The following CAST variants were observed in gnomAD, a reference collection of about 807,000 sequenced individuals.
The protein encoded by CAST is MIR583 host.
CAST carries 76 observed loss-of-function variants against 119.6 expected under a neutral mutation model. The observed-to-expected ratio is 0.64, with a 90% CI of 0.53 to 0.77. The LOEUF (loss-of-function observed/expected upper bound fraction) is 0.77, where lower values mean the gene tolerates loss of function less well. Ranked by LOEUF, CAST falls within the 30% of genes least tolerant of loss-of-function variation. CAST has a pLI of 0.00. For missense variants in CAST, 953 were observed against 946.5 expected, an observed-to-expected ratio of 1.01 and a Z score of -0.09; for synonymous variants, 319 against 331.6, an observed-to-expected ratio of 0.96 and a Z score of 0.41.
chr5:96,720,139 G>A (rs2150393984), intron 3 of CAST, among the ~76,000 whole-genome samples: 1 of 152,316 alleles, frequency 6.6e-6, no homozygotes, highest in Admixed American at 6.5e-5. Flanking sequence ...CTGGCACAGA[G>A]CATATTCTGG....
chr5:96,427,488 A>G, the CAST span, among the ~76,000 whole-genome samples: 1 of 152,184 alleles, frequency 6.6e-6, no homozygotes, highest in African/African-American at 2.4e-5. Context: ...TGGTTCCAGA[A>G]TGTTTCCTAA....
chr5:96,082,316 T>G, the CAST span, among the ~76,000 whole-genome samples: 1 of 152,230 alleles, frequency 6.6e-6, no homozygotes, highest in Non-Finnish European at 1.5e-5. Context: ...GGTTGGCTAT[T>G]GTGTGCCACA....
chr5:96,417,009 C>G, the CAST span, among the ~76,000 whole-genome samples: 1 of 152,166 alleles, frequency 6.6e-6, no homozygotes. Flanking sequence ...ATTGTGGAAA[C>G]AACCTGTAAG....
chr5:96,116,850 T>C, the CAST span, among the ~76,000 whole-genome samples: 14 of 152,248 alleles, frequency 9.2e-5, no homozygotes, highest in Non-Finnish European at 2.1e-4. Context: ...TTGTCAAATA[T>C]ATGGTTTGCA....
the CAST span, among the ~76,000 whole-genome samples, chr5:95,997,962 G>GTTTTC: frequency 8.1e-5 from 9 of 111,702 alleles, no homozygotes; most frequent in East Asian, 8.6e-4. Flanking sequence ...TTTGAGAGAG[G>GTTTTC]GTTTTTTTTT....
chr5:96,471,708 C>T, the CAST span, among the ~76,000 whole-genome samples: 1 of 151,426 alleles, frequency 6.6e-6, no homozygotes, highest in Non-Finnish European at 1.5e-5. Context: ...ATTATCCTGT[C>T]TTTTGCCTGT....
chr5:96,603,012 A>G (rs1310565114), intron 1 of CAST, among the ~76,000 whole-genome samples: 1 of 152,200 alleles, frequency 6.6e-6, no homozygotes, highest in Non-Finnish European at 1.5e-5. Context: ...TAAGTGGCAG[A>G]TAGGATGGTG....
chr5:95,969,678 G>T, the CAST span, among the ~76,000 whole-genome samples: 6 of 152,096 alleles, frequency 3.9e-5, no homozygotes, highest in African/African-American at 1.4e-4. Context: ...AGAGGTGAAT[G>T]AGCATGAGGA....
chr5:96,317,171 G>A, the CAST span, among the ~76,000 whole-genome samples: 1 of 151,908 alleles, frequency 6.6e-6, no homozygotes, highest in Non-Finnish European at 1.5e-5. Flanking sequence ...ACATTATAAA[G>A]GTGTCATCCT....
the CAST span, chr5:96,432,806 C>G: frequency 6.9e-7 from 1 of 1,458,604 alleles, no homozygotes; most frequent in East Asian, 2.3e-5. Context: ...AGACCGCGCT[C>G]CAGTCCCGCC....
intron 1 of CAST, among the ~76,000 whole-genome samples, chr5:96,654,387 G>A (rs1748130581): frequency 6.6e-6 from 1 of 151,742 alleles, no homozygotes; most frequent in African/African-American, 2.4e-5. Context: ...CCTCATTTAT[G>A]CTTCCTATAT....
chr5:96,299,105 C>T, the CAST span, among the ~76,000 whole-genome samples: 18 of 151,782 alleles, frequency 1.2e-4, 1 homozygote, highest in Admixed American at 5.9e-4. Flanking sequence ...ATTGGCTGGG[C>T]GTGGTGGTGG....
the CAST span, among the ~76,000 whole-genome samples, chr5:96,101,095 G>T: frequency 6.6e-6 from 1 of 152,106 alleles, no homozygotes; most frequent in Admixed American, 6.5e-5. Context: ...AATTTTTGTA[G>T]AGACAGAGTC....
the CAST span, among the ~76,000 whole-genome samples, chr5:96,035,786 G>C: frequency 6.6e-6 from 1 of 151,206 alleles, no homozygotes; most frequent in African/African-American, 2.4e-5. Context: ...TGTAAAGCAG[G>C]GGGTGGAGCC....
chr5:96,490,717 C>T, the CAST span, among the ~76,000 whole-genome samples: 3 of 151,948 alleles, frequency 2.0e-5, no homozygotes, highest in South Asian at 6.2e-4. Context: ...TAAATCTGAA[C>T]CTCCTACCTG....
At chr5:96,291,909 A>G in the CAST span, among the ~76,000 whole-genome samples, 1 of 150,148 alleles carries the variant, frequency 6.7e-6, no homozygotes, top group Non-Finnish European at 1.5e-5. Flanking sequence ...TGCCGATGAC[A>G]GATACAGAAT....
chr5:96,056,858 C>T, the CAST span, among the ~76,000 whole-genome samples: 5 of 152,126 alleles, frequency 3.3e-5, no homozygotes, highest in East Asian at 9.6e-4. Flanking sequence ...TAATCTCTAT[C>T]TAGTGAGGGA....
chr5:96,068,931 A>G, the CAST span, among the ~76,000 whole-genome samples: 95 of 151,020 alleles, frequency 6.3e-4, 1 homozygote, highest in African/African-American at 2.2e-3. Context: ...GTTTACATGT[A>G]TACATACATG....
At chr5:96,025,574 T>C in the CAST span, among the ~76,000 whole-genome samples, 1 of 152,272 alleles carries the variant, frequency 6.6e-6, no homozygotes, top group African/African-American at 2.4e-5. Flanking sequence ...GGGGATAAAA[T>C]GGTGAGTCAA....
Sources: gnomAD v4.1 joint callset for allele counts (sites outside exome capture counted in the v4.1 genomes callset) on GRCh38, gnomAD v4.1.1 for gene constraint, MANE v1.5 for transcripts, NCBI Gene and HGNC (gene_info 2026-07-23, HGNC 2026-07-21) for gene names.